The following SLC36A3 variants were observed in gnomAD, a reference collection of about 807,000 sequenced individuals.
The protein encoded by SLC36A3 is solute carrier family 36 member 3.
In SLC36A3, 35 loss-of-function variants were observed where a neutral mutation model predicts 44.3. The ratio of observed to expected loss-of-function variants is 0.79; its 90% CI spans 0.60 to 1.05. The LOEUF is 1.05. Among genes scored for constraint, SLC36A3 ranks in the 50% least tolerant of loss-of-function variants. The pLI, the probability that SLC36A3 is intolerant of heterozygous loss-of-function variation, is 0.00. For missense variants in SLC36A3, 540 were observed against 578.7 expected, an observed-to-expected ratio of 0.93 and a Z score of 0.69; for synonymous variants, 211 against 227.6, an observed-to-expected ratio of 0.93 and a Z score of 0.66.
rs1007605597 is a variant in SLC36A3 at position 151,298,828 on chromosome 5, G to C, written c.129-145C>G. On this transcript the variant is annotated intron_variant, in intron 1 of 9. Transcript: ENST00000335230. Reference sequence around the variant, plus strand: ...GAGGTGGACTTGGAGACAACTCTCAGTTCTAGGGGTCTGTCCTGGAACATC... The same window carrying C: ...GAGGTGGACTTGGAGACAACTCTCACTTCTAGGGGTCTGTCCTGGAACATC... The C allele has an allele frequency of 5.8e-6, 4 of 695,350 alleles. No individual in the cohort carries two copies. In the African/African-American group the frequency reaches 7.1e-5, roughly 12 times the overall value. The allele number at this position is 695,350 out of a possible 1,614,324, so 43.1% of individuals were successfully genotyped here. A position where few individuals can be genotyped will look rare whatever the true frequency, so the allele number is the denominator to read the frequency against.
In SLC36A3 at chr5:151,284,680, A is replaced by C; in HGVS notation, c.740T>G (p.Met247Arg). The C allele has an allele frequency of 6.2e-7, 1 of 1,613,566 alleles. No homozygotes were observed. Among genetic ancestry groups the C allele is most frequent in the Non-Finnish European group, 8.5e-7 (1 of 1,179,628 alleles). ...CAGCAAGAAGGTCTTCCAGTTTGCCATCAAGGGTAGGTTGCTGGGATATGG... is the reference window on the plus strand; with the variant it reads ...CAGCAAGAAGGTCTTCCAGTTTGCCCTCAAGGGTAGGTTGCTGGGATATGG... ...GIPYPSNLPL[M>R]ANWKTFLLFF... is the part of the protein sequence containing the mutation. Residue 247 changes from methionine to arginine, a missense_variant, in exon 7 of 10, where the codon ATG becomes AGG. Met to Arg is a moderately conservative substitution (Grantham distance 91). Coordinates refer to ENST00000335230, the MANE Select transcript of SLC36A3 (RefSeq NM_181774.4).
At chr5:151,298,337 G>T (rs976564966) in intron 2 of SLC36A3, 5 of 443,886 alleles carry the variant, frequency 1.1e-5, no homozygotes, top group Non-Finnish European at 2.0e-5. Context: ...CTAGGAGTGG[G>T]GAGGACTGCG....
At chr5:151,280,565 A>G (rs1754269487) in intron 9 of SLC36A3, among the ~76,000 whole-genome samples, 1 of 152,254 alleles carries the variant, frequency 6.6e-6, no homozygotes, top group Non-Finnish European at 1.5e-5. Context: ...AATTTATGAT[A>G]AGAAGAAATA....
At position 151,284,033 on chromosome 5, in the gene SLC36A3, G is replaced by T; in HGVS notation, c.974+11C>A. ...TCTCTCCCTATCTCACCTGAGGTGG[G>T]CAGGACATACCAGCAATTGGGCAAG... On this transcript the variant is annotated intron_variant, in intron 8 of 9. Transcript: ENST00000335230. The T allele has an allele frequency of 6.2e-7, 1 of 1,606,412 alleles. No homozygotes were observed. Among genetic ancestry groups the T allele is most frequent in the Non-Finnish European group, 8.5e-7 (1 of 1,176,778 alleles).
intron 4 of SLC36A3, among the ~76,000 whole-genome samples, chr5:151,292,882 G>A (rs1270833037): frequency 3.9e-5 from 6 of 152,136 alleles, no homozygotes; most frequent in African/African-American, 1.4e-4. Flanking sequence ...TACTCAGGAG[G>A]CTGAGGAAGG....
chr5:151,291,556 T>C (rs2127265415), intron 4 of SLC36A3, among the ~76,000 whole-genome samples: 1 of 152,320 alleles, frequency 6.6e-6, no homozygotes, highest in South Asian at 2.1e-4. Flanking sequence ...ATGCTATTTA[T>C]CTTGTTCCTC....
At chr5:151,285,052 C>T (rs1245830727) in intron 6 of SLC36A3, among the ~76,000 whole-genome samples, 2 of 152,162 alleles carry the variant, frequency 1.3e-5, no homozygotes, top group Non-Finnish European at 2.9e-5. Flanking sequence ...CGCCCCACTA[C>T]CCAGCCTCCT....
rs140788319 is a variant in SLC36A3 at position 151,291,670 on chromosome 5, C to G, written c.404+1694G>C. Reference sequence around the variant, plus strand: ...ATCAGAGGTGGTACTACTCTGTACTCCCTACTGTGGGCTATTATGAGACAC... The same window carrying G: ...ATCAGAGGTGGTACTACTCTGTACTGCCTACTGTGGGCTATTATGAGACAC... On this transcript the variant is annotated intron_variant, in intron 4 of 9. Coordinates refer to ENST00000335230, the MANE Select transcript of SLC36A3 (RefSeq NM_181774.4). Among the ~76,000 whole-genome samples, 678 of 152,228 alleles carry G rather than the reference C, an allele frequency of 4.5e-3. 6 individuals carry two copies. Among genetic ancestry groups the G allele is most frequent in the African/African-American group, 0.015 (626 of 41,532 alleles).
Position 151,287,403 on chromosome 5 carries a change from G to T in SLC36A3, c.551C>A (p.Thr184Asn), listed in dbSNP as rs533247574. 2 of 1,614,070 alleles carry T rather than the reference G, an allele frequency of 1.2e-6. No individual in the cohort carries two copies. The highest frequency in any genetic ancestry group is 4.5e-5 in the East Asian group (2 of 44,886). The change falls in exon 6 of 10, where the codon ACC becomes AAC. Residue 184 changes from threonine (T) to asparagine (N), a missense_variant. Physicochemically the swap from Thr to Asn is moderately conservative, Grantham distance 65. Transcript: ENST00000335230. ...ICQPREILTL[T>N]PILDIRFYML... is the part of the protein sequence containing the mutation. ...GTAGAAACGAATGTCCAGGATGGGG[G>T]TCAGCGTCAGAATCTCCCTGGGCTG... is the stretch of plus-strand genomic sequence containing the variant.
chr5:151,299,229 TC>T (rs1755069998), intron 1 of SLC36A3, among the ~76,000 whole-genome samples: 1 of 54,954 alleles, frequency 1.8e-5, no homozygotes. Flanking sequence ...TTGTGCGCTC[TC>T]TCTCTCTCTC....
At chr5:151,295,651 A>G (rs371458438) in intron 3 of SLC36A3, among the ~76,000 whole-genome samples, 3 of 152,196 alleles carry the variant, frequency 2.0e-5, no homozygotes, top group African/African-American at 7.2e-5. Flanking sequence ...TCTTTCTGAA[A>G]TTGTTTTTGC....
chr5:151,293,513 A>G lies in SLC36A3; in HGVS notation c.309-54T>C, dbSNP rs1040956977. ...TTTAAAACATTTTTGTTAAAGGTAC[A>G]GTTTTCTCCCAAAGTGAGTGATTTT... is the stretch of plus-strand genomic sequence containing the variant. On this transcript the variant is annotated intron_variant, in intron 3 of 9. Transcript: ENST00000335230. 4 of 1,437,350 alleles carry G rather than the reference A, an allele frequency of 2.8e-6. No individual in the cohort carries two copies. The African/African-American group carries it at 5.6e-5, about 20-fold the overall frequency. 89.0% of individuals were successfully genotyped at this position (1,437,350 alleles called of 1,614,324 possible).
At chr5:151,298,182 T>G in intron 2 of SLC36A3, 1 of 156,806 alleles carries the variant, frequency 6.4e-6, no homozygotes, top group Non-Finnish European at 1.4e-5. Flanking sequence ...GGAGAGTGGA[T>G]TGGTGGGATT....
At chr5:151,293,844 C>T (rs190240877) in intron 3 of SLC36A3, among the ~76,000 whole-genome samples, 392 of 152,266 alleles carry the variant, frequency 2.6e-3, no homozygotes, top group Non-Finnish European at 3.9e-3. Flanking sequence ...TCAGAACACT[C>T]GAGATCCTGG....
chr5:151,301,902 T>C (rs1338644601), intron 1 of SLC36A3, among the ~76,000 whole-genome samples: 2 of 152,210 alleles, frequency 1.3e-5, no homozygotes, highest in Admixed American at 1.3e-4. Context: ...TTATGCACTC[T>C]TGTGCTATTA....
At chr5:151,293,097 TAGAA>T (rs1342005129) in intron 4 of SLC36A3, among the ~76,000 whole-genome samples, 1 of 151,936 alleles carries the variant, frequency 6.6e-6, no homozygotes, top group African/African-American at 2.4e-5. Flanking sequence ...TATAAGAAAA[TAGAA>T]AGCAAATTAT....
intron 4 of SLC36A3, among the ~76,000 whole-genome samples, chr5:151,291,980 T>G (rs1299128424): frequency 6.6e-6 from 1 of 151,930 alleles, no homozygotes; most frequent in Non-Finnish European, 1.5e-5. Context: ...CCTGCCTCAG[T>G]CTCCTGAGTA....
intron 4 of SLC36A3, among the ~76,000 whole-genome samples, chr5:151,290,173 T>C (rs1754704530): frequency 6.6e-6 from 1 of 152,232 alleles, no homozygotes; most frequent in Non-Finnish European, 1.5e-5. Context: ...AATTTGGAGA[T>C]GCATTTTTCT....
Position 151,287,591 on chromosome 5 carries a change from C to T in SLC36A3, c.490-127G>A, listed in dbSNP as rs114975037. On this transcript the variant is annotated intron_variant, in intron 5 of 9. Transcript: ENST00000335230. ...TATGCCCCAAATATTGCATAAGACA[C>T]GCTCATAGTAAAACAAAATCACTAC... is the stretch of plus-strand genomic sequence containing the variant. 2.4e-3 allele frequency: 2,037 copies of T among 831,804 alleles called. 13 individuals carry two copies. Among genetic ancestry groups the T allele is most frequent in the African/African-American group, 0.018 (1,053 of 57,668 alleles). 51.5% of individuals were successfully genotyped at this position (831,804 alleles called of 1,614,324 possible). A position where few individuals can be genotyped will look rare whatever the true frequency, so the allele number is the denominator to read the frequency against.
Sources: gnomAD v4.1 joint callset for allele counts (sites outside exome capture counted in the v4.1 genomes callset) on GRCh38, gnomAD v4.1.1 for gene constraint, MANE v1.5 for transcripts, NCBI Gene and HGNC (gene_info 2026-07-23, HGNC 2026-07-21) for gene names.